Variants in RNF4 observed in about 807,000 individuals in gnomAD.
RNF4 encodes E3 ubiquitin-protein ligase RNF4.
A neutral mutation model predicts 24.3 loss-of-function variants in RNF4; 7 were observed. The observed-to-expected ratio is 0.29, with a 90% CI of 0.16 to 0.54. The LOEUF (loss-of-function observed/expected upper bound fraction) is 0.54. Ranked by LOEUF, RNF4 falls within the 20% of genes least tolerant of loss-of-function variation. The pLI, the probability that RNF4 is intolerant of heterozygous loss-of-function variation, is 0.95. For missense variants in RNF4, 209 were observed against 248.5 expected (o/e 0.84, Z 1.07); for synonymous variants, 83 against 84.3 (o/e 0.98, Z 0.09).
In RNF4 at chr4:2,514,837, T is replaced by C. The variant is rs1313810038; in HGVS notation, c.*1018T>C. The C allele has an allele frequency of 4.6e-5, 7 of 152,724 alleles. No homozygotes were observed. The highest frequency in any genetic ancestry group is 1.7e-4 in the African/African-American group (7 of 41,464). The allele number at this position is 152,724 out of a possible 1,614,324, so 9.5% of individuals were successfully genotyped here. A position where few individuals can be genotyped will look rare whatever the true frequency, so the allele number is the denominator to read the frequency against. ...CCATGTTCGGAGAACCTGGCCCACC[T>C]GTCTTGGCTTTCTCATCCTTCCCAA... On this transcript the variant is annotated 3_prime_UTR_variant, in exon 8 of 8. Coordinates refer to ENST00000314289, the MANE Select transcript of RNF4 (RefSeq NM_002938.5).
intron 1 of RNF4, among the ~76,000 whole-genome samples, chr4:2,484,179 GGGGTTTGA>G (rs1735336624): frequency 1.3e-5 from 2 of 151,134 alleles, no homozygotes; most frequent in Admixed American, 6.6e-5. Flanking sequence ...CCTCCCAGGT[GGGGTTTGA>G]GGGTTCTGTG....
intron 1 of RNF4, among the ~76,000 whole-genome samples, chr4:2,479,643 C>G (rs903526499): frequency 6.6e-6 from 1 of 152,174 alleles, no homozygotes; most frequent in Non-Finnish European, 1.5e-5. Flanking sequence ...CTTCCCCAGC[C>G]ATGTGGAACT....
At chr4:2,484,138 T>C (rs1735334389) in intron 1 of RNF4, among the ~76,000 whole-genome samples, 1 of 136,578 alleles carries the variant, frequency 7.3e-6, no homozygotes, top group South Asian at 2.3e-4. Context: ...CCAGGTCTCT[T>C]ATTTTCAGTG....
chr4:2,506,923 A>C (rs995273102), intron 4 of RNF4, among the ~76,000 whole-genome samples: 2 of 152,148 alleles, frequency 1.3e-5, no homozygotes, highest in Non-Finnish European at 2.9e-5. Flanking sequence ...TCTGGCTAGA[A>C]GCAATGCAGT....
At position 2,512,373 on chromosome 4, in the gene RNF4, A is replaced by AT; in HGVS notation, c.215-64dup. ...GAAGAGGGTCTTAAGAGGCGTCAGG[A>AT]TGGGAGTGGTGAGGATGGTAAGAGT... On this transcript the variant is annotated intron_variant, in intron 5 of 7. Coordinates refer to ENST00000314289, the MANE Select transcript of RNF4 (RefSeq NM_002938.5). This position sits in a 1 kb window ranked among gnomAD's most constrained non-coding sequence, Gnocchi z 4.1. The AT allele has an allele frequency of 6.5e-7, 1 of 1,541,202 alleles. No homozygotes were observed. Among genetic ancestry groups the AT allele is most frequent in the Non-Finnish European group, 8.8e-7 (1 of 1,135,900 alleles).
At chr4:2,477,430 C>G (rs1337497922) in intron 1 of RNF4, among the ~76,000 whole-genome samples, 1 of 152,050 alleles carries the variant, frequency 6.6e-6, no homozygotes, top group Admixed American at 6.6e-5. Context: ...ACTAAAAATA[C>G]AAAAATTAGC....
intron 4 of RNF4, among the ~76,000 whole-genome samples, chr4:2,511,736 C>T (rs536720297): frequency 1.3e-5 from 2 of 152,268 alleles, no homozygotes; most frequent in Admixed American, 6.5e-5. Flanking sequence ...GGGAGAGACA[C>T]AGCACATCAG....
chr4:2,478,080 GTTATGT>G (rs1735134259), intron 1 of RNF4, among the ~76,000 whole-genome samples: 1 of 152,176 alleles, frequency 6.6e-6, no homozygotes, highest in Admixed American at 6.5e-5. Context: ...GGTCACTCCT[GTTATGT>G]TTCAGCAAAG....
intron 4 of RNF4, among the ~76,000 whole-genome samples, chr4:2,508,293 C>T (rs371747840): frequency 1.3e-5 from 2 of 152,214 alleles, no homozygotes; most frequent in East Asian, 1.9e-4. Context: ...GGCCCCAGAG[C>T]TTGTGTTACA....
chr4:2,498,022 C>CT (rs1735791505), intron 3 of RNF4, among the ~76,000 whole-genome samples: 1 of 152,164 alleles, frequency 6.6e-6, no homozygotes, highest in African/African-American at 2.4e-5. Flanking sequence ...TATATGGTCT[C>CT]TGAGTTTCAC....
At chr4:2,490,586 T>C in intron 2 of RNF4, 84 bp downstream of exon 2, 1 of 1,415,490 alleles carries the variant, frequency 7.1e-7, no homozygotes, top group Non-Finnish European at 9.8e-7. Context: ...TGAAAGTGAG[T>C]TCCATAATGT....
At chr4:2,510,289 G>C (rs1203849) in intron 4 of RNF4, among the ~76,000 whole-genome samples, 33,313 of 152,148 alleles carry the variant, frequency 0.22, 4,229 homozygotes, top group East Asian at 0.38. Context: ...AATCAGCAGT[G>C]TCTGGGCTGG....
chr4:2,470,947 T>G (rs113731782), intron 1 of RNF4: 1 of 149,496 alleles, frequency 6.7e-6, no homozygotes, highest in African/African-American at 2.5e-5. Context: ...TTTGGGTAAT[T>G]CACAATATTT....
At chr4:2,475,416 G>A (rs925261057) in intron 1 of RNF4, among the ~76,000 whole-genome samples, 2 of 152,130 alleles carry the variant, frequency 1.3e-5, no homozygotes, top group Non-Finnish European at 2.9e-5. Flanking sequence ...TCGGCTCATT[G>A]CAAGCTCCGC....
intron 1 of RNF4, among the ~76,000 whole-genome samples, chr4:2,470,250 C>T (rs1191501593): frequency 1.3e-5 from 2 of 152,214 alleles, no homozygotes; most frequent in African/African-American, 4.8e-5. Context: ...AGCTATTTGG[C>T]AGCAGATGAG....
chr4:2,484,996 C>T (rs78472434), intron 1 of RNF4, among the ~76,000 whole-genome samples: 1,745 of 152,256 alleles, frequency 0.011, 17 homozygotes, highest in Non-Finnish European at 0.019. Context: ...TGTTAGGAAC[C>T]CTCGGCACCT....
chr4:2,473,320 G>A (rs990206425), intron 1 of RNF4, among the ~76,000 whole-genome samples: 3 of 150,934 alleles, frequency 2.0e-5, no homozygotes, highest in Admixed American at 2.0e-4. Flanking sequence ...GGAGGTGGAG[G>A]CTGCAGTGAG....
At chr4:2,486,481 C>T (rs1199860519) in intron 1 of RNF4, among the ~76,000 whole-genome samples, 2 of 152,152 alleles carry the variant, frequency 1.3e-5, no homozygotes, top group Non-Finnish European at 2.9e-5. Flanking sequence ...CTTCCAAATT[C>T]CTTTGAACTC....
Position 2,512,812 on chromosome 4 carries a change from C to T in RNF4, c.374+215C>T, listed in dbSNP as rs1325809692. ...CAAGCGCTGACACAGTGTGTGCAGA[C>T]AGTCCCAGTGGCCCCAGACAGGGAT... On this transcript the variant is annotated intron_variant, in intron 6 of 7. Coordinates refer to ENST00000314289, the MANE Select transcript of RNF4 (RefSeq NM_002938.5). The surrounding 1 kb of genome is among the most constrained non-coding windows in gnomAD (Gnocchi z 4.1). Among the ~76,000 whole-genome samples, 1 of 152,194 alleles carries T rather than the reference C, an allele frequency of 6.6e-6. No individual in the cohort carries two copies. The highest frequency in any genetic ancestry group is 2.4e-5 in the African/African-American group (1 of 41,448).
Sources: gnomAD v4.1 joint callset for allele counts (sites outside exome capture counted in the v4.1 genomes callset) on GRCh38, gnomAD v4.1.1 for gene constraint, Gnocchi (gnomAD v3.1) non-coding constraint, MANE v1.5 for transcripts, NCBI Gene and HGNC (gene_info 2026-07-23, HGNC 2026-07-21) for gene names.